LARGE1: variants seen among roughly 807,000 people sequenced by gnomAD.
The protein encoded by LARGE1 is xylosyl- and glucuronyltransferase LARGE1.
A neutral mutation model predicts 87.6 loss-of-function variants in LARGE1; 43 were observed. The observed-to-expected ratio is 0.49, with a 90% CI of 0.38 to 0.63. LARGE1 has a LOEUF of 0.63. Ranked by LOEUF, LARGE1 falls within the 30% of genes least tolerant of loss-of-function variation. The pLI is 0.00. For synonymous variants in LARGE1, 434 were observed against 394.6 expected, an observed-to-expected ratio of 1.10 and a Z score of -1.18; for missense variants, 802 against 1,000.2, an observed-to-expected ratio of 0.80 and a Z score of 2.67.
chr22:33,885,821 A>G (rs927991354), intron 1 of LARGE1, among the ~76,000 whole-genome samples: 11 of 152,264 alleles, frequency 7.2e-5, no homozygotes, highest in African/African-American at 2.4e-4. Context: ...ACTTAAGGCC[A>G]GGAGTTCGAG....
the LARGE1 span, among the ~76,000 whole-genome samples, chr22:33,144,494 A>G: frequency 6.6e-6 from 1 of 152,154 alleles, no homozygotes; most frequent in Non-Finnish European, 1.5e-5. Context: ...GTTGTTGCAT[A>G]TATGTTGAGG....
chr22:33,915,435 T>C (rs1322022229), intron 1 of LARGE1, among the ~76,000 whole-genome samples: 1 of 152,198 alleles, frequency 6.6e-6, no homozygotes, highest in African/African-American at 2.4e-5. Context: ...TAAGTGTTTT[T>C]TTTTTCATAT....
At chr22:33,263,108 G>C (rs1472278866) in intron 11 of LARGE1, among the ~76,000 whole-genome samples, 1 of 152,040 alleles carries the variant, frequency 6.6e-6, no homozygotes, top group Non-Finnish European at 1.5e-5. Flanking sequence ...TGGCCAGGCT[G>C]GTCTCGAAAA....
chr22:33,822,508 G>C (rs1384152403), intron 1 of LARGE1, among the ~76,000 whole-genome samples: 1 of 152,092 alleles, frequency 6.6e-6, no homozygotes, highest in African/African-American at 2.4e-5. Context: ...AGACCAGCCT[G>C]GCCAACATGG....
At chr22:33,828,914 T>C (rs62227789) in intron 1 of LARGE1, among the ~76,000 whole-genome samples, 3 of 152,174 alleles carry the variant, frequency 2.0e-5, no homozygotes, top group Middle Eastern at 3.4e-3. Flanking sequence ...TGGAATGTTC[T>C]TCCTCAATTA....
intron 1 of LARGE1, among the ~76,000 whole-genome samples, chr22:33,846,469 A>G (rs891264620): frequency 6.6e-6 from 1 of 152,148 alleles, no homozygotes; most frequent in Non-Finnish European, 1.5e-5. Context: ...ATTGTAGAGC[A>G]TGTGTGTTTG....
chr22:33,816,277 T>C (rs550656531), intron 1 of LARGE1, among the ~76,000 whole-genome samples: 2 of 152,288 alleles, frequency 1.3e-5, no homozygotes, highest in East Asian at 3.9e-4. Flanking sequence ...AGACTCTTAA[T>C]TTGTTCAAGT....
intron 13 of LARGE1, 37 bp downstream of exon 13, chr22:33,283,165 C>A: frequency 1.2e-6 from 2 of 1,613,284 alleles, no homozygotes; most frequent in Non-Finnish European, 1.7e-6. Context: ...AGAAGGCCTT[C>A]GAGCACCCCC....
intron 6 of LARGE1, among the ~76,000 whole-genome samples, chr22:33,560,595 A>G (rs570498650): frequency 6.6e-6 from 1 of 152,214 alleles, no homozygotes; most frequent in South Asian, 2.1e-4. Flanking sequence ...GACAACAATC[A>G]CATATTATTT....
rs550066625 is a variant in LARGE1 at position 33,567,203 on chromosome 22, T to C, written c.616-2184A>G. 5.9e-5 allele frequency among the ~76,000 whole-genome samples: 9 copies of C among 152,192 alleles called. No homozygotes were observed. The South Asian group carries it at 1.5e-3, about 25-fold the overall frequency. ...TGCCACCATCACTAGACTATGATGT[T>C]AGAAAAAAATGTGGTTACTTAGTTT... is the stretch of plus-strand genomic sequence containing the variant. On this transcript the variant is annotated intron_variant, in intron 5 of 14. Coordinates refer to ENST00000397394, the MANE Select transcript of LARGE1 (RefSeq NM_133642.5).
intron 1 of LARGE1, among the ~76,000 whole-genome samples, chr22:33,793,805 G>C (rs901195635): frequency 4.7e-5 from 7 of 150,336 alleles, no homozygotes; most frequent in Non-Finnish European, 8.9e-5. Context: ...TTTTTCATAA[G>C]AATCTGTCCT....
At chr22:33,595,671 A>C (rs920555313) in intron 5 of LARGE1, among the ~76,000 whole-genome samples, 4 of 152,236 alleles carry the variant, frequency 2.6e-5, no homozygotes, top group African/African-American at 7.2e-5. Flanking sequence ...AGGTCTTCAA[A>C]CAACTGGTTG....
At position 33,645,152 on chromosome 22, in the gene LARGE1, A is replaced by C. The variant is rs2080566772; in HGVS notation, c.408+5215T>G. Among the ~76,000 whole-genome samples the C allele has an allele frequency of 1.3e-5, 2 of 152,228 alleles. 1 individual carries two copies. Among genetic ancestry groups the C allele is most frequent in the South Asian group, 4.1e-4 (2 of 4,828 alleles). ...TGGAGGCATTATGCTACCTGACTTCAAACTATACTACAAGGCTACAGTAAC... is the reference window on the plus strand; with the variant it reads ...TGGAGGCATTATGCTACCTGACTTCCAACTATACTACAAGGCTACAGTAAC... On this transcript the variant is annotated intron_variant, in intron 3 of 14. Coordinates refer to ENST00000397394, the MANE Select transcript of LARGE1 (RefSeq NM_133642.5).
intron 1 of LARGE1, among the ~76,000 whole-genome samples, chr22:33,827,453 T>C (rs1423349733): frequency 1.3e-5 from 2 of 152,136 alleles, no homozygotes; most frequent in Non-Finnish European, 2.9e-5. Context: ...CATAAACTTT[T>C]GGCACATGGA....
At chr22:33,566,484 G>A (rs138644339) in intron 5 of LARGE1, among the ~76,000 whole-genome samples, 1,608 of 152,292 alleles carry the variant, frequency 0.011, 22 homozygotes, top group African/African-American at 0.037. Flanking sequence ...CCTTCCGGGG[G>A]GTTCTTGGTC....
intron 6 of LARGE1, among the ~76,000 whole-genome samples, chr22:33,488,966 T>TC (rs1445296529): frequency 1.3e-5 from 2 of 152,176 alleles, no homozygotes; most frequent in African/African-American, 4.8e-5. Flanking sequence ...TGACATATGA[T>TC]CCCCTTCACA....
chr22:33,495,270 A>T (rs1602106685), intron 6 of LARGE1, among the ~76,000 whole-genome samples: 1 of 152,156 alleles, frequency 6.6e-6, no homozygotes, highest in Non-Finnish European at 1.5e-5. Flanking sequence ...ATCGTGTTGC[A>T]GTCTTACATC....
chr22:33,257,770 T>C (rs959891434), intron 11 of LARGE1, among the ~76,000 whole-genome samples: 1 of 152,214 alleles, frequency 6.6e-6, no homozygotes, highest in Non-Finnish European at 1.5e-5. Context: ...CTACATTCAC[T>C]CATCCACCCA....
chr22:33,236,673 A>G (rs953597313), intron 11 of LARGE1, among the ~76,000 whole-genome samples: 5 of 152,186 alleles, frequency 3.3e-5, no homozygotes, highest in African/African-American at 1.2e-4. Context: ...GCTGTGGCTG[A>G]GATCAAGGAA....
Sources: allele counts gnomAD v4.1 joint callset (sites outside exome capture counted in the v4.1 genomes callset), GRCh38; gene constraint gnomAD v4.1.1; transcripts MANE v1.5; gene names NCBI Gene and HGNC (gene_info 2026-07-23, HGNC 2026-07-21).